CNTLN: variants seen among roughly 807,000 people sequenced by gnomAD.
The protein encoded by CNTLN is centlein, centrosomal protein.
Under a neutral mutation model 180.0 loss-of-function variants are expected in CNTLN, and 212 were observed. The ratio of observed to expected loss-of-function variants is 1.18; its 90% confidence interval spans 1.05 to 1.32. The LOEUF is 1.32. Ranked by LOEUF, CNTLN falls within the 40% of genes most tolerant of loss-of-function variation. The probability of loss-of-function intolerance (pLI) is 0.00; values close to 1 mark genes in which losing one functional copy is unlikely to be tolerated. For synonymous variants in CNTLN, 722 were observed against 563.1 expected, an observed-to-expected ratio of 1.28 and a Z score of -3.99; for missense variants, 2,095 against 1,610.9, an observed-to-expected ratio of 1.30 and a Z score of -5.14.
chr9:17,189,111 A>T (rs1385380148), intron 2 of CNTLN, among the ~76,000 whole-genome samples: 3 of 109,872 alleles, frequency 2.7e-5, no homozygotes, highest in African/African-American at 1.1e-4. Context: ...GAGATGGAGC[A>T]TCCCTCTGTC....
intron 8 of CNTLN, among the ~76,000 whole-genome samples, chr9:17,320,406 A>C (rs1330866775): frequency 6.7e-6 from 1 of 148,384 alleles, no homozygotes; most frequent in African/African-American, 2.5e-5. Flanking sequence ...TTTTTTTTCC[A>C]TGAAGATAAC....
chr9:17,420,897 T>G (rs963291551), intron 18 of CNTLN, among the ~76,000 whole-genome samples: 4 of 152,214 alleles, frequency 2.6e-5, no homozygotes, highest in African/African-American at 4.8e-5. Flanking sequence ...TGATTTCTAC[T>G]TTAATTCCAT....
At chr9:17,220,051 A>G (rs148085583) in intron 2 of CNTLN, among the ~76,000 whole-genome samples, 1 of 152,258 alleles carries the variant, frequency 6.6e-6, no homozygotes, top group East Asian at 1.9e-4. Context: ...CCTTCAGTCC[A>G]TAGCACCTTG....
At chr9:17,257,821 GTTGT>G (rs780644168) in intron 5 of CNTLN, among the ~76,000 whole-genome samples, 11 of 148,422 alleles carry the variant, frequency 7.4e-5, no homozygotes, top group East Asian at 2.0e-4. Flanking sequence ...TTTTGATGGG[GTTGT>G]TTGTTTTTTT....
chr9:17,304,923 C>G (rs907230403), intron 7 of CNTLN, among the ~76,000 whole-genome samples: 1 of 151,840 alleles, frequency 6.6e-6, no homozygotes, highest in Non-Finnish European at 1.5e-5. Flanking sequence ...TTTTTATTCA[C>G]TTGGGTCCTG....
intron 12 of CNTLN, among the ~76,000 whole-genome samples, chr9:17,359,007 TCTCCC>T (rs557214381): frequency 5.3e-5 from 8 of 150,896 alleles, no homozygotes; most frequent in Admixed American, 2.0e-4. Context: ...ATTCCTCTCC[TCTCCC>T]CTCCCCTCCC....
downstream of CNTLN, among the ~76,000 whole-genome samples, chr9:17,505,934 TAAATC>T (rs1833926035): frequency 3.3e-5 from 5 of 151,982 alleles, no homozygotes; most frequent in South Asian, 1.0e-3. Context: ...GCTGGACAAA[TAAATC>T]AATGAAAAAG....
chr9:17,337,425 T>G (rs1376492402), intron 10 of CNTLN, among the ~76,000 whole-genome samples: 1 of 152,146 alleles, frequency 6.6e-6, no homozygotes, highest in African/African-American at 2.4e-5. Context: ...ATAAAACTAT[T>G]TTTTCTGTAA....
intron 25 of CNTLN, among the ~76,000 whole-genome samples, chr9:17,502,234 T>C (rs572623633): frequency 6.6e-6 from 1 of 152,224 alleles, no homozygotes. Context: ...TAACCTACTA[T>C]TGATCAGCTG....
At chr9:17,315,327 G>A (rs1452215678) in intron 8 of CNTLN, among the ~76,000 whole-genome samples, 1 of 151,970 alleles carries the variant, frequency 6.6e-6, no homozygotes, top group African/African-American at 2.4e-5. Flanking sequence ...TTTGTATTTT[G>A]TATTGAGAAG....
the CNTLN span, among the ~76,000 whole-genome samples, chr9:17,512,872 G>A: frequency 1.1e-4 from 16 of 152,150 alleles, no homozygotes; most frequent in East Asian, 1.2e-3. Flanking sequence ...GCTGGAGTGT[G>A]GTGGCGCGAT....
chr9:17,147,529 G>A (rs1041448424), intron 2 of CNTLN, among the ~76,000 whole-genome samples: 4 of 152,062 alleles, frequency 2.6e-5, no homozygotes, highest in Non-Finnish European at 5.9e-5. Flanking sequence ...TTAGGTTTTG[G>A]ATTATAGTTT....
intron 5 of CNTLN, among the ~76,000 whole-genome samples, chr9:17,265,012 C>T (rs1827303406): frequency 6.9e-6 from 1 of 144,926 alleles, no homozygotes; most frequent in African/African-American, 2.6e-5. Flanking sequence ...TTCCTCTTTT[C>T]CTAATTGAAT....
chr9:17,268,672 G>A (rs1432608587), intron 5 of CNTLN, among the ~76,000 whole-genome samples: 2 of 152,160 alleles, frequency 1.3e-5, no homozygotes, highest in Non-Finnish European at 2.9e-5. Context: ...GCCTCCTTGA[G>A]CTGTGGTTGG....
intron 12 of CNTLN, among the ~76,000 whole-genome samples, chr9:17,348,647 C>T (rs1822115913): frequency 6.6e-6 from 1 of 151,932 alleles, no homozygotes; most frequent in Non-Finnish European, 1.5e-5. Context: ...TCTCCTGCCT[C>T]AGCCTCCCTA....
intron 13 of CNTLN, among the ~76,000 whole-genome samples, chr9:17,370,074 A>C (rs1021306086): frequency 6.6e-6 from 1 of 152,320 alleles, no homozygotes; most frequent in Non-Finnish European, 1.5e-5. Flanking sequence ...TAGCCTCAAA[A>C]GGGAAAATGT....
At chr9:17,315,672 G>T (rs1113382) in intron 8 of CNTLN, among the ~76,000 whole-genome samples, 121,551 of 151,868 alleles carry the variant, frequency 0.8, 49,350 homozygotes, top group Non-Finnish European at 0.87. Flanking sequence ...TATCTTCAAA[G>T]ATTTTTTTCT....
intron 5 of CNTLN, among the ~76,000 whole-genome samples, chr9:17,236,911 G>T (rs1825180414): frequency 6.6e-6 from 1 of 152,070 alleles, no homozygotes; most frequent in Admixed American, 6.6e-5. Context: ...TACAAAGATA[G>T]CTATAATTTG....
chr9:17,395,106 A>T, intron 15 of CNTLN, 37 bp downstream of exon 15: 1 of 1,561,724 alleles, frequency 6.4e-7, no homozygotes, highest in Non-Finnish European at 8.7e-7. Flanking sequence ...TGGTGGGGAC[A>T]CTGCGCATAT....
Sources: allele counts gnomAD v4.1 joint callset (sites outside exome capture counted in the v4.1 genomes callset), GRCh38; gene constraint gnomAD v4.1.1; transcripts MANE v1.5; gene names NCBI Gene and HGNC (gene_info 2026-07-23, HGNC 2026-07-21).